The following EIF4G3 variants were observed in gnomAD, a reference collection of about 807,000 sequenced individuals.
The protein encoded by EIF4G3 is eukaryotic translation initiation factor 4 gamma 3.
A neutral mutation model predicts 186.4 loss-of-function variants in EIF4G3; 34 were observed. The observed-to-expected ratio is 0.18, with a 90% CI of 0.14 to 0.24. The LOEUF is 0.24. Among genes scored for constraint, EIF4G3 ranks in the 10% least tolerant of loss-of-function variants. The pLI, the probability that EIF4G3 is intolerant of heterozygous loss-of-function variation, is 1.00. For missense variants in EIF4G3, 1,536 were observed against 1,948.5 expected, an observed-to-expected ratio of 0.79 and a Z score of 3.99; for synonymous variants, 673 against 679.5, an observed-to-expected ratio of 0.99 and a Z score of 0.15.
intron 7 of EIF4G3, among the ~76,000 whole-genome samples, chr1:20,993,116 C>T (rs2081479210): frequency 6.6e-6 from 1 of 152,080 alleles, no homozygotes; most frequent in Admixed American, 6.6e-5. Context: ...ATAGCACATC[C>T]TTATTAATCT....
At chr1:20,811,785 T>C (rs1186998351) in intron 35 of EIF4G3, among the ~76,000 whole-genome samples, 2 of 152,168 alleles carry the variant, frequency 1.3e-5, no homozygotes, top group African/African-American at 4.8e-5. Flanking sequence ...CATAAACATA[T>C]ACAATTATAA....
rs927977134 is a variant in EIF4G3, at chr1:21,117,653, A to G, written c.-271-28440T>C. Among the ~76,000 whole-genome samples the G allele has an allele frequency of 2.0e-5, 3 of 149,176 alleles. No individual in the cohort carries two copies. The East Asian group carries it at 5.9e-4, about 29-fold the overall frequency. ...GCAAGCCCTAACAAAAGCCCTGTAC[A>G]CTGGGTATGGCTAAACCCTGAGCAT... On this transcript the variant is annotated intron_variant, in intron 2 of 36. Coordinates refer to ENST00000602326, the MANE Select transcript of EIF4G3 (RefSeq NM_001391906.1).
rs1557804376 is a variant in EIF4G3, at chr1:21,068,387, A to AAAAAAAAAAAAAAC, written c.-195-17407_-195-17394dup. Among the ~76,000 whole-genome samples the AAAAAAAAAAAAAAC allele has an allele frequency of 2.7e-5, 4 of 149,246 alleles. No homozygotes were observed. The South Asian group carries it at 6.3e-4, about 24-fold the overall frequency. ...GAAACTCTGTCTTTAAAAAAAAAAA[A>AAAAAAAAAAAAAAC]AAAAAAAAAAAAACAGAATACTTCA... On this transcript the variant is annotated intron_variant, in intron 3 of 36. Transcript: ENST00000602326.
chr1:21,090,518 T>C (rs2096153911), intron 2 of EIF4G3, among the ~76,000 whole-genome samples: 1 of 152,236 alleles, frequency 6.6e-6, no homozygotes, highest in South Asian at 2.1e-4. Context: ...TGAAACTTCA[T>C]GAAGGATGAA....
chr1:20,870,481 C>G (rs2078896222), intron 20 of EIF4G3, among the ~76,000 whole-genome samples: 1 of 152,092 alleles, frequency 6.6e-6, no homozygotes, highest in Non-Finnish European at 1.5e-5. Flanking sequence ...AGGCATTTAC[C>G]TACTCACTCA....
intron 14 of EIF4G3, among the ~76,000 whole-genome samples, chr1:20,933,082 G>A (rs1573056539): frequency 6.6e-6 from 1 of 152,178 alleles, no homozygotes; most frequent in Non-Finnish European, 1.5e-5. Context: ...GATACCAGAA[G>A]ACCTGGTGGT....
At chr1:21,005,097 T>G (rs111622947) in intron 4 of EIF4G3, among the ~76,000 whole-genome samples, 166 of 152,324 alleles carry the variant, frequency 1.1e-3, no homozygotes, top group African/African-American at 3.9e-3. Flanking sequence ...AACGTTTATG[T>G]GTATGTATCA....
chr1:20,874,283 C>T (rs1348953831), intron 20 of EIF4G3, among the ~76,000 whole-genome samples: 2 of 152,138 alleles, frequency 1.3e-5, no homozygotes, highest in Admixed American at 6.6e-5. Context: ...AACCAACTTA[C>T]GTTCCCACCA....
At chr1:21,131,409 TA>T (rs1045311400) in intron 2 of EIF4G3, among the ~76,000 whole-genome samples, 6 of 69,244 alleles carry the variant, frequency 8.7e-5, no homozygotes, top group South Asian at 3.7e-4. Context: ...AAAAAGAGAC[TA>T]AAAAAAAGAA....
intron 4 of EIF4G3, among the ~76,000 whole-genome samples, chr1:21,022,227 G>A (rs1197305702): frequency 2.0e-5 from 3 of 152,132 alleles, no homozygotes; most frequent in Non-Finnish European, 4.4e-5. Context: ...AATAGTACTG[G>A]CTGACTATAT....
chr1:20,965,457 A>C (rs1285832333), intron 12 of EIF4G3, among the ~76,000 whole-genome samples: 1 of 151,998 alleles, frequency 6.6e-6, no homozygotes, highest in Non-Finnish European at 1.5e-5. Context: ...TTCCACAATC[A>C]CCCCAATTTA....
intron 30 of EIF4G3, among the ~76,000 whole-genome samples, chr1:20,838,130 C>G (rs1004443767): frequency 1.3e-5 from 2 of 152,210 alleles, no homozygotes; most frequent in East Asian, 3.9e-4. Context: ...AAAACTGTAG[C>G]CACGTCTGGT....
chr1:20,977,418 C>T (rs1023757061), intron 10 of EIF4G3, among the ~76,000 whole-genome samples: 13 of 152,100 alleles, frequency 8.5e-5, no homozygotes, highest in African/African-American at 3.1e-4. Flanking sequence ...AACTCCTGAC[C>T]TCGGGTGATC....
At chr1:20,892,946 C>G (rs1164183863) in intron 18 of EIF4G3, among the ~76,000 whole-genome samples, 1 of 152,022 alleles carries the variant, frequency 6.6e-6, no homozygotes, top group South Asian at 2.1e-4. Context: ...CTTGTTTTGT[C>G]ACCCAGACTG....
intron 13 of EIF4G3, among the ~76,000 whole-genome samples, chr1:20,947,517 T>G (rs2096014680): frequency 1.3e-5 from 2 of 149,136 alleles, no homozygotes. Flanking sequence ...GAAATGTTAC[T>G]GTTTGACTAG....
chr1:20,850,764 A>G (rs2073032992), intron 28 of EIF4G3, among the ~76,000 whole-genome samples: 1 of 152,206 alleles, frequency 6.6e-6, no homozygotes. Context: ...ACATGAAGCA[A>G]TTTTTAGAGC....
chr1:20,872,296 CTTT>C (rs5772921), intron 20 of EIF4G3, among the ~76,000 whole-genome samples: 74 of 148,422 alleles, frequency 5.0e-4, no homozygotes, highest in Admixed American at 4.0e-4. Flanking sequence ...CTTTTTCACA[CTTT>C]TTTTTTTTTT....
At chr1:21,103,432 A>T (rs1183146943) in intron 2 of EIF4G3, among the ~76,000 whole-genome samples, 1 of 152,230 alleles carries the variant, frequency 6.6e-6, no homozygotes, top group Non-Finnish European at 1.5e-5. Context: ...TAAAATTATA[A>T]ATAATGCCCT....
chr1:21,020,101 G>A (rs976934703), intron 4 of EIF4G3, among the ~76,000 whole-genome samples: 2 of 151,986 alleles, frequency 1.3e-5, no homozygotes, highest in Non-Finnish European at 2.9e-5. Context: ...GAATAGTTGC[G>A]TCCACTTAAC....
Sources: gnomAD v4.1 joint callset for allele counts (sites outside exome capture counted in the v4.1 genomes callset) on GRCh38, gnomAD v4.1.1 for gene constraint, MANE v1.5 for transcripts, NCBI Gene and HGNC (gene_info 2026-07-23, HGNC 2026-07-21) for gene names.